SRPK2: variants seen among roughly 807,000 people sequenced by gnomAD.
SRPK2 encodes the protein SRSF protein kinase 2.
In SRPK2, 21 loss-of-function variants were observed where a neutral mutation model predicts 90.8. The observed-to-expected ratio is 0.23, with a 90% CI of 0.16 to 0.33. SRPK2 has a LOEUF of 0.33. Ranked by LOEUF, SRPK2 falls within the 10% of genes least tolerant of loss-of-function variation. The pLI is 1.00. For missense variants in SRPK2, 620 were observed against 869.0 expected, an observed-to-expected ratio of 0.71 and a Z score of 3.60; for synonymous variants, 288 against 311.1, an observed-to-expected ratio of 0.93 and a Z score of 0.78.
intron 2 of SRPK2, among the ~76,000 whole-genome samples, chr7:105,359,545 T>A (rs926477399): frequency 2.0e-5 from 3 of 152,176 alleles, no homozygotes; most frequent in African/African-American, 7.2e-5. Flanking sequence ...CAGTCTTCAA[T>A]AATCAGAACG....
chr7:105,136,859 C>G (rs986645155), intron 11 of SRPK2, among the ~76,000 whole-genome samples: 1 of 152,198 alleles, frequency 6.6e-6, no homozygotes, highest in African/African-American at 2.4e-5. Flanking sequence ...TGAGTACCTT[C>G]TGTGTGCTAA....
At chr7:105,135,433 C>T (rs999239789) in intron 11 of SRPK2, among the ~76,000 whole-genome samples, 4 of 152,204 alleles carry the variant, frequency 2.6e-5, no homozygotes, top group African/African-American at 9.7e-5. Context: ...AGTGAGGGAC[C>T]AGAGAGCAGC....
chr7:105,342,176 G>T (rs1815890404), intron 2 of SRPK2, among the ~76,000 whole-genome samples: 2 of 150,094 alleles, frequency 1.3e-5, no homozygotes, highest in South Asian at 4.2e-4. Context: ...TACAAAAAAT[G>T]AGCCAGGCAT....
chr7:105,323,240 A>T (rs1813142949), intron 2 of SRPK2, among the ~76,000 whole-genome samples: 1 of 152,230 alleles, frequency 6.6e-6, no homozygotes, highest in African/African-American at 2.4e-5. Flanking sequence ...ATACATTTAC[A>T]TAAATATTGA....
At chr7:105,288,121 C>G (rs1808414332) in intron 2 of SRPK2, among the ~76,000 whole-genome samples, 1 of 152,166 alleles carries the variant, frequency 6.6e-6, no homozygotes, top group Non-Finnish European at 1.5e-5. Context: ...ATTCTTCTCA[C>G]ACTATTCTAT....
At chr7:105,324,298 C>A (rs1003574981) in intron 2 of SRPK2, among the ~76,000 whole-genome samples, 1 of 151,446 alleles carries the variant, frequency 6.6e-6, no homozygotes, top group Non-Finnish European at 1.5e-5. Context: ...TGAGCCACTG[C>A]GCCGGGCCAA....
At chr7:105,381,992 A>G (rs1821001272) in intron 2 of SRPK2, among the ~76,000 whole-genome samples, 1 of 151,996 alleles carries the variant, frequency 6.6e-6, no homozygotes, top group Admixed American at 6.6e-5. Context: ...AGATGGTGAA[A>G]CCCCATCTCT....
intron 7 of SRPK2, 48 bp downstream of exon 7, chr7:105,160,459 C>A: frequency 1.8e-6 from 2 of 1,099,134 alleles, no homozygotes; most frequent in Non-Finnish European, 2.8e-6. Context: ...TGTTGAAAGC[C>A]TAACCAATTA....
intron 2 of SRPK2, among the ~76,000 whole-genome samples, chr7:105,322,459 A>G (rs556494535): frequency 1.4e-4 from 21 of 152,218 alleles, no homozygotes; most frequent in African/African-American, 5.1e-4. Flanking sequence ...AACGTCATGC[A>G]AAGTGAAAGA....
In SRPK2 at chr7:105,280,947, C is replaced by CAAAA. The variant is rs1158350206; in HGVS notation, c.72-77166_72-77163dup. ...GGGCGACAGAGCGAAGACTCCATCT[C>CAAAA]AAAAAAAAAAAAAAAAAAAAAAAAA... On this transcript the variant is annotated intron_variant, in intron 2 of 15. Coordinates refer to ENST00000393651, the MANE Select transcript of SRPK2 (RefSeq NM_182692.3). Among the ~76,000 whole-genome samples the CAAAA allele has an allele frequency of 1.6e-4, 7 of 43,306 alleles. 1 individual carries two copies. The highest frequency in any genetic ancestry group is 5.8e-4 in the African/African-American group (5 of 8,624). The allele number at this position is 43,306 out of a possible 152,430, so 28.4% of individuals were successfully genotyped here.
At chr7:105,161,513 G>T (rs1016464431) in intron 6 of SRPK2, among the ~76,000 whole-genome samples, 1 of 152,118 alleles carries the variant, frequency 6.6e-6, no homozygotes, top group Admixed American at 6.5e-5. Flanking sequence ...CACTTTCTAG[G>T]TGTAGAGTGC....
intron 3 of SRPK2, among the ~76,000 whole-genome samples, chr7:105,174,043 G>C (rs544311750): frequency 9.0e-5 from 13 of 145,168 alleles, no homozygotes; most frequent in African/African-American, 3.3e-4. Context: ...CCAAGAGTTC[G>C]ACACCAGCCT....
intron 15 of SRPK2, chr7:105,125,945 T>C (rs1241982656): frequency 2.5e-6 from 2 of 790,980 alleles, no homozygotes; most frequent in Admixed American, 2.7e-5. Flanking sequence ...ATGCAGACAC[T>C]ACCACCGCCC....
chr7:105,158,421 A>G (rs1806865838), intron 7 of SRPK2, among the ~76,000 whole-genome samples: 1 of 151,996 alleles, frequency 6.6e-6, no homozygotes, highest in African/African-American at 2.4e-5. Flanking sequence ...CGCCTGGCTA[A>G]TTTTTGTGTT....
chr7:105,363,722 A>G (rs550428516), intron 2 of SRPK2, among the ~76,000 whole-genome samples: 2 of 152,314 alleles, frequency 1.3e-5, no homozygotes, highest in South Asian at 4.1e-4. Context: ...GGCTTACTAC[A>G]CATGCACATG....
chr7:105,184,296 CTTTA>C (rs1403703712), intron 3 of SRPK2, among the ~76,000 whole-genome samples: 1 of 152,014 alleles, frequency 6.6e-6, no homozygotes, highest in African/African-American at 2.4e-5. Context: ...AATATTTTTC[CTTTA>C]TTTCTTACAT....
At chr7:105,203,887 A>T in intron 2 of SRPK2, 102 bp from the exon 3 acceptor site, 1 of 1,346,230 alleles carries the variant, frequency 7.4e-7, no homozygotes, top group Non-Finnish European at 1.0e-6. Context: ...AAAACTTGTC[A>T]CATACTAAGA....
At chr7:105,328,458 G>A (rs1001871645) in intron 2 of SRPK2, among the ~76,000 whole-genome samples, 3 of 150,830 alleles carry the variant, frequency 2.0e-5, no homozygotes, top group South Asian at 4.2e-4. Context: ...AGCTATTCAG[G>A]AGGCTGAGGC....
intron 2 of SRPK2, chr7:105,205,855 A>G: frequency 2.0e-6 from 1 of 503,476 alleles, no homozygotes; most frequent in Non-Finnish European, 4.0e-6. Context: ...TTCCTCAATG[A>G]GAAATACTTT....
Sources: allele counts gnomAD v4.1 joint callset (sites outside exome capture counted in the v4.1 genomes callset), GRCh38; gene constraint gnomAD v4.1.1; transcripts MANE v1.5; gene names NCBI Gene and HGNC (gene_info 2026-07-23, HGNC 2026-07-21).